The following ADORA2B variants were observed in gnomAD, a reference collection of about 807,000 sequenced individuals.
The protein encoded by ADORA2B is adenosine receptor A2b.
ADORA2B carries 18 observed loss-of-function variants against 20.8 expected under a neutral mutation model. The ratio of observed to expected loss-of-function variants is 0.87; its 90% CI spans 0.60 to 1.29. The LOEUF (loss-of-function observed/expected upper bound fraction) is 1.29. Ranked by LOEUF, ADORA2B falls within the 50% of genes most tolerant of loss-of-function variation. ADORA2B has a pLI of 0.00. For synonymous variants in ADORA2B, 179 were observed against 178.3 expected (o/e 1.00, Z -0.03); for missense variants, 441 against 422.7 (o/e 1.04, Z -0.38).
At chr17:15,871,837 G>T in the ADORA2B span, among the ~76,000 whole-genome samples, 10 of 152,148 alleles carry the variant, frequency 6.6e-5, no homozygotes, top group Non-Finnish European at 1.3e-4. Flanking sequence ...ATATGGCTTT[G>T]TGTCCTTTCA....
the ADORA2B span, among the ~76,000 whole-genome samples, chr17:15,917,650 G>A: frequency 7.4e-3 from 1,131 of 152,366 alleles, 15 homozygotes; most frequent in African/African-American, 0.026. Flanking sequence ...CCGGACTCCA[G>A]CGGCAGGGGC....
intron 1 of ADORA2B, among the ~76,000 whole-genome samples, chr17:15,972,588 A>AAG (rs1397240442): frequency 6.6e-6 from 1 of 152,098 alleles, no homozygotes; most frequent in Admixed American, 6.6e-5. Flanking sequence ...GTCACCTCTT[A>AAG]GGCAGAGGTG....
intron 1 of ADORA2B, among the ~76,000 whole-genome samples, chr17:15,950,709 G>C (rs1969888653): frequency 6.6e-6 from 1 of 152,140 alleles, no homozygotes; most frequent in South Asian, 2.1e-4. Flanking sequence ...TGCTTACCAC[G>C]CTGCAGAGAC....
At chr17:15,851,169 A>G in the ADORA2B span, among the ~76,000 whole-genome samples, 1 of 151,170 alleles carries the variant, frequency 6.6e-6, no homozygotes, top group East Asian at 1.9e-4. Context: ...ATTTCTGCAT[A>G]AGGGTGGATC....
chr17:15,860,428 G>A, the ADORA2B span, among the ~76,000 whole-genome samples: 2 of 149,910 alleles, frequency 1.3e-5, no homozygotes, highest in Admixed American at 6.6e-5. Context: ...GCCGCTGCCT[G>A]TGACCTGGTC....
At chr17:15,959,658 G>C (rs917801506) in intron 1 of ADORA2B, among the ~76,000 whole-genome samples, 2 of 152,082 alleles carry the variant, frequency 1.3e-5, no homozygotes, top group Non-Finnish European at 2.9e-5. Context: ...ACGCCACCAT[G>C]CCTGGCTAAT....
the ADORA2B span, among the ~76,000 whole-genome samples, chr17:15,904,376 AC>A: frequency 1.4e-5 from 2 of 146,870 alleles, no homozygotes; most frequent in South Asian, 4.3e-4. Context: ...TTTTCCTAGA[AC>A]TTTTGTACTT....
the ADORA2B span, among the ~76,000 whole-genome samples, chr17:15,900,153 C>T: frequency 6.6e-6 from 1 of 152,116 alleles, no homozygotes; most frequent in Non-Finnish European, 1.5e-5. Context: ...TTATCCGGTC[C>T]ACCACTGATG....
chr17:15,968,568 C>T (rs1970148689), intron 1 of ADORA2B, among the ~76,000 whole-genome samples: 1 of 152,164 alleles, frequency 6.6e-6, no homozygotes, highest in Non-Finnish European at 1.5e-5. Context: ...TGACCTATGG[C>T]TGTGTGGTCA....
At chr17:15,932,879 G>A in the ADORA2B span, among the ~76,000 whole-genome samples, 9 of 150,660 alleles carry the variant, frequency 6.0e-5, no homozygotes, top group Admixed American at 2.0e-4. Flanking sequence ...ATCAAGAAAC[G>A]TTCATTTAAA....
the ADORA2B span, among the ~76,000 whole-genome samples, chr17:15,920,469 T>C: frequency 6.6e-6 from 1 of 152,204 alleles, no homozygotes; most frequent in African/African-American, 2.4e-5. Flanking sequence ...ACGCCTGTAA[T>C]CCCAGCACTT....
At chr17:15,893,161 A>G in the ADORA2B span, among the ~76,000 whole-genome samples, 3 of 152,230 alleles carry the variant, frequency 2.0e-5, no homozygotes, top group Non-Finnish European at 4.4e-5. Context: ...TGTGTATTAC[A>G]CAATATTTGT....
At chr17:15,861,650 A>T in the ADORA2B span, among the ~76,000 whole-genome samples, 1 of 152,198 alleles carries the variant, frequency 6.6e-6, no homozygotes, top group Admixed American at 6.5e-5. Context: ...TTTGGCAGGG[A>T]TGTGAAGGAG....
chr17:15,869,857 A>G, the ADORA2B span, among the ~76,000 whole-genome samples: 1 of 152,252 alleles, frequency 6.6e-6, no homozygotes, highest in Non-Finnish European at 1.5e-5. Context: ...TGAATTGCAT[A>G]TACTGTGTTA....
intron 1 of ADORA2B, among the ~76,000 whole-genome samples, chr17:15,973,555 T>C (rs1318427069): frequency 6.6e-6 from 1 of 152,354 alleles, no homozygotes; most frequent in East Asian, 1.9e-4. Flanking sequence ...CATTACTGCC[T>C]GAGCTCTGCA....
At chr17:15,948,431 G>A (rs1166389817) in intron 1 of ADORA2B, among the ~76,000 whole-genome samples, 2 of 33,104 alleles carry the variant, frequency 6.0e-5, no homozygotes, top group South Asian at 1.7e-3. Flanking sequence ...TGGTGCCGAC[G>A]GGAGTGGGCG....
the ADORA2B span, among the ~76,000 whole-genome samples, chr17:15,851,079 T>TC: frequency 6.6e-6 from 1 of 152,176 alleles, no homozygotes; most frequent in East Asian, 1.9e-4. Flanking sequence ...TAGCCATACT[T>TC]CTACTGATAG....
the ADORA2B span, among the ~76,000 whole-genome samples, chr17:15,852,583 A>T: frequency 1.3e-5 from 2 of 152,346 alleles, no homozygotes; most frequent in African/African-American, 4.8e-5. Flanking sequence ...GGAGATCCAG[A>T]TATTAGACAC....
the ADORA2B span, among the ~76,000 whole-genome samples, chr17:15,921,115 C>G: frequency 1.4e-4 from 21 of 152,212 alleles, no homozygotes; most frequent in African/African-American, 4.8e-4. Flanking sequence ...CATCCATCTC[C>G]CCAGGCCATG....
Sources: gnomAD v4.1 joint callset for allele counts (sites outside exome capture counted in the v4.1 genomes callset) on GRCh38, gnomAD v4.1.1 for gene constraint, MANE v1.5 for transcripts, NCBI Gene and HGNC (gene_info 2026-07-23, HGNC 2026-07-21) for gene names.